PTPRT: variants seen among roughly 807,000 people sequenced by gnomAD.
PTPRT encodes the protein protein tyrosine phosphatase receptor type T, also known as receptor-type tyrosine-protein phosphatase T.
Under a neutral mutation model 176.8 loss-of-function variants are expected in PTPRT, and 56 were observed. The ratio of observed to expected loss-of-function variants is 0.32; its 90% CI spans 0.26 to 0.40. The LOEUF (loss-of-function observed/expected upper bound fraction) is 0.40, where lower values mean the gene tolerates loss of function less well. PTPRT is among the 10% of genes least tolerant of loss of function. PTPRT has a pLI of 1.00. For synonymous variants in PTPRT, 783 were observed against 739.0 expected, an observed-to-expected ratio of 1.06 and a Z score of -0.96; for missense variants, 1,540 against 1,908.2, an observed-to-expected ratio of 0.81 and a Z score of 3.60.
intron 7 of PTPRT, among the ~76,000 whole-genome samples, chr20:42,528,922 C>G (rs1375439415): frequency 6.6e-6 from 1 of 152,212 alleles, no homozygotes; most frequent in Non-Finnish European, 1.5e-5. Flanking sequence ...TGCATCTCAC[C>G]TGTCAGACTT....
chr20:42,670,158 T>G (rs931738105), intron 7 of PTPRT, among the ~76,000 whole-genome samples: 4 of 152,174 alleles, frequency 2.6e-5, no homozygotes, highest in South Asian at 4.1e-4. Flanking sequence ...TCCATCATGC[T>G]ACAGTGAAGG....
chr20:42,710,156 G>A (rs1455500698), intron 6 of PTPRT, among the ~76,000 whole-genome samples: 3 of 152,174 alleles, frequency 2.0e-5, no homozygotes, highest in Non-Finnish European at 4.4e-5. Context: ...GGCCATATGG[G>A]AGAGAAAGAA....
chr20:43,088,632 G>A (rs749310399), intron 1 of PTPRT, among the ~76,000 whole-genome samples: 4 of 151,982 alleles, frequency 2.6e-5, no homozygotes, highest in Non-Finnish European at 5.9e-5. Flanking sequence ...CCCCAGCAGG[G>A]TCACCCAAAC....
chr20:42,950,032 A>G (rs1432449045), intron 1 of PTPRT, among the ~76,000 whole-genome samples: 2 of 152,170 alleles, frequency 1.3e-5, no homozygotes, highest in Non-Finnish European at 2.9e-5. Context: ...CCTAGAACTA[A>G]CCGTGTCTTT....
At position 42,434,662 on chromosome 20, in the gene PTPRT, G is replaced by GAAAAA. The variant is rs10626020; in HGVS notation, c.1560+13553_1560+13557dup. Among the ~76,000 whole-genome samples the GAAAAA allele has an allele frequency of 6.5e-5, 9 of 137,726 alleles. 1 individual carries two copies. The highest frequency in any genetic ancestry group is 2.9e-4 in the Admixed American group (4 of 13,656). The allele number at this position is 137,726 out of a possible 152,430, so 90.4% of individuals were successfully genotyped here. ...AGAAAAGCCCATCCCATCTTCATAA[G>GAAAAA]AAAAAAAAAAAAAAAGAGGCCAGGC... On this transcript the variant is annotated intron_variant, in intron 9 of 30. Transcript: ENST00000373187.
At chr20:42,589,842 C>A (rs1233140267) in intron 7 of PTPRT, among the ~76,000 whole-genome samples, 4 of 152,108 alleles carry the variant, frequency 2.6e-5, no homozygotes, top group Non-Finnish European at 5.9e-5. Context: ...AAATATCTGG[C>A]AAATACATAT....
intron 1 of PTPRT, among the ~76,000 whole-genome samples, chr20:43,095,682 T>A (rs2146314975): frequency 7.1e-6 from 1 of 140,000 alleles, no homozygotes; most frequent in African/African-American, 2.7e-5. Context: ...CCCTTCTCCC[T>A]GCCCTCTCCC....
intron 15 of PTPRT, among the ~76,000 whole-genome samples, chr20:42,224,959 G>A (rs987826822): frequency 3.3e-5 from 5 of 152,064 alleles, no homozygotes; most frequent in South Asian, 2.1e-4. Flanking sequence ...GCACTCTCCC[G>A]ACCCCATTCA....
intron 7 of PTPRT, among the ~76,000 whole-genome samples, chr20:42,610,776 T>C (rs1300836359): frequency 6.6e-6 from 1 of 152,248 alleles, no homozygotes; most frequent in Non-Finnish European, 1.5e-5. Flanking sequence ...CACATAGTTA[T>C]GCAGCCATCA....
chr20:42,941,371 C>T (rs1980541217), intron 1 of PTPRT, among the ~76,000 whole-genome samples: 1 of 152,124 alleles, frequency 6.6e-6, no homozygotes. Flanking sequence ...ACCAGATGCT[C>T]AATAAATGTC....
chr20:43,149,694 T>C (rs1335770188), intron 1 of PTPRT, among the ~76,000 whole-genome samples: 1 of 152,214 alleles, frequency 6.6e-6, no homozygotes, highest in Non-Finnish European at 1.5e-5. Flanking sequence ...CCTAGCACTT[T>C]CTCACTTAGC....
chr20:42,384,971 T>C (rs925970348), intron 9 of PTPRT, among the ~76,000 whole-genome samples: 3 of 152,252 alleles, frequency 2.0e-5, no homozygotes, highest in Non-Finnish European at 4.4e-5. Flanking sequence ...GAGTTCCTTA[T>C]ATAATTTGGA....
chr20:42,529,307 C>T (rs899244643), intron 7 of PTPRT, among the ~76,000 whole-genome samples: 26 of 151,982 alleles, frequency 1.7e-4, no homozygotes, highest in Admixed American at 6.6e-4. Flanking sequence ...GTGAATAGTA[C>T]GGGGAAGGGC....
At chr20:42,329,942 C>T (rs2057944141) in intron 11 of PTPRT, among the ~76,000 whole-genome samples, 1 of 151,952 alleles carries the variant, frequency 6.6e-6, no homozygotes, top group African/African-American at 2.4e-5. Flanking sequence ...TAATATGTTA[C>T]AAAATAGCTG....
intron 9 of PTPRT, among the ~76,000 whole-genome samples, chr20:42,380,466 G>A (rs2058688462): frequency 6.6e-6 from 1 of 152,302 alleles, no homozygotes; most frequent in Non-Finnish European, 1.5e-5. Context: ...GGCCTGGTTG[G>A]TTTCAGATAG....
rs535211969 is a variant in PTPRT at position 42,186,353 on chromosome 20, T to C, written c.2491+12887A>G. ...GACAGAGTGCACTGGATTTGGCCTA[T>C]GGGCCTCCCATCCCACGCTCCTTCT... On this transcript the variant is annotated intron_variant, in intron 16 of 30. Coordinates refer to ENST00000373187, the MANE Select transcript of PTPRT (RefSeq NM_007050.6). 3.8e-4 allele frequency among the ~76,000 whole-genome samples: 58 copies of C among 152,022 alleles called. 1 individual carries two copies. The highest frequency in any genetic ancestry group is 1.3e-3 in the African/African-American group (56 of 41,542).
At chr20:42,700,643 G>T (rs2075961294) in intron 6 of PTPRT, among the ~76,000 whole-genome samples, 1 of 152,126 alleles carries the variant, frequency 6.6e-6, no homozygotes, top group Admixed American at 6.5e-5. Flanking sequence ...GCCAAGAAAA[G>T]CACAAAAGGA....
chr20:43,096,155 C>T (rs972962767), intron 1 of PTPRT, among the ~76,000 whole-genome samples: 1 of 150,264 alleles, frequency 6.7e-6, no homozygotes, highest in Non-Finnish European at 1.5e-5. Flanking sequence ...CCTGTTCCCC[C>T]TTCTTCTACT....
intron 6 of PTPRT, among the ~76,000 whole-genome samples, chr20:42,749,623 C>A (rs548123501): frequency 3.3e-5 from 5 of 152,164 alleles, no homozygotes; most frequent in African/African-American, 1.2e-4. Context: ...ACAGCACCTA[C>A]GTCATAGGGC....
Sources: allele counts gnomAD v4.1 joint callset (sites outside exome capture counted in the v4.1 genomes callset), GRCh38; gene constraint gnomAD v4.1.1; transcripts MANE v1.5; gene names NCBI Gene and HGNC (gene_info 2026-07-23, HGNC 2026-07-21).